Variants in FHOD3 observed in about 807,000 individuals in gnomAD.
The protein encoded by FHOD3 is formin homology 2 domain containing 3.
Under a neutral mutation model 173.0 loss-of-function variants are expected in FHOD3, and 90 were observed. The observed-to-expected ratio is 0.52, with a 90% confidence interval of 0.44 to 0.62. The LOEUF (loss-of-function observed/expected upper bound fraction) is 0.62. Ranked by LOEUF, FHOD3 falls within the 20% of genes least tolerant of loss-of-function variation. The probability of loss-of-function intolerance (pLI) is 0.00; values close to 1 mark genes in which losing one functional copy is unlikely to be tolerated. For missense variants in FHOD3, 1,945 were observed against 2,034.7 expected, an observed-to-expected ratio of 0.96 and a Z score of 0.85; for synonymous variants, 828 against 823.0, an observed-to-expected ratio of 1.01 and a Z score of -0.10.
At chr18:36,777,296 AG>A (rs1250184640) in intron 28 of FHOD3, among the ~76,000 whole-genome samples, 1 of 138,694 alleles carries the variant, frequency 7.2e-6, no homozygotes. Flanking sequence ...TCCGCCTCCC[AG>A]GTTCAAGCAA....
At chr18:36,610,698 G>A (rs1599864296) in intron 8 of FHOD3, among the ~76,000 whole-genome samples, 1 of 152,244 alleles carries the variant, frequency 6.6e-6, no homozygotes, top group East Asian at 1.9e-4. Context: ...ATAGCCCCAA[G>A]ATAGAAGTGT....
At chr18:36,409,440 G>T (rs2049238562) in intron 3 of FHOD3, among the ~76,000 whole-genome samples, 1 of 152,080 alleles carries the variant, frequency 6.6e-6, no homozygotes, top group African/African-American at 2.4e-5. Context: ...TCAACTCAGT[G>T]CTCCTTCCCC....
At chr18:36,615,841 C>T (rs1599883669) in intron 9 of FHOD3, among the ~76,000 whole-genome samples, 1 of 152,174 alleles carries the variant, frequency 6.6e-6, no homozygotes, top group Admixed American at 6.5e-5. Context: ...CTATAAGTTA[C>T]TGTCATAATA....
chr18:36,670,057 G>T (rs1013403719), intron 14 of FHOD3, among the ~76,000 whole-genome samples: 1 of 151,588 alleles, frequency 6.6e-6, no homozygotes, highest in Non-Finnish European at 1.5e-5. Flanking sequence ...TAAAGATGTT[G>T]CACCACTTTG....
chr18:36,304,477 G>A (rs2144499060), intron 1 of FHOD3, among the ~76,000 whole-genome samples: 1 of 152,260 alleles, frequency 6.6e-6, no homozygotes, highest in Non-Finnish European at 1.5e-5. Context: ...TAGTCCCCTT[G>A]GGATCAGAGC....
chr18:36,582,350 A>G (rs1343090961), intron 6 of FHOD3, among the ~76,000 whole-genome samples: 2 of 152,194 alleles, frequency 1.3e-5, no homozygotes, highest in Non-Finnish European at 2.9e-5. Context: ...ACGTAATGTA[A>G]ATAATAGAAT....
At chr18:36,535,766 TAATTC>T (rs1240405237) in intron 5 of FHOD3, among the ~76,000 whole-genome samples, 1 of 152,218 alleles carries the variant, frequency 6.6e-6, no homozygotes, top group Non-Finnish European at 1.5e-5. Flanking sequence ...TTGTATTTAA[TAATTC>T]AATAAATTTT....
intron 2 of FHOD3, among the ~76,000 whole-genome samples, chr18:36,372,346 C>T (rs552858638): frequency 6.6e-4 from 100 of 152,316 alleles, no homozygotes; most frequent in Admixed American, 2.4e-3. Flanking sequence ...TGTGTTGTTA[C>T]ATTCCAGGAA....
At chr18:36,605,684 C>G (rs1265452968) in intron 8 of FHOD3, among the ~76,000 whole-genome samples, 1 of 151,984 alleles carries the variant, frequency 6.6e-6, no homozygotes, top group Non-Finnish European at 1.5e-5. Context: ...ATGCGTTAAA[C>G]AAGTCATGCC....
rs538374965 is a variant in FHOD3 at position 36,566,867 on chromosome 18, G to GA, written c.512-9574dup. ...AAGTTTTCTGATTGGAGACCTACAG[G>GA]AAAAAAAAAATTATACTTATATAAA... On this transcript the variant is annotated intron_variant, in intron 5 of 28. Coordinates refer to ENST00000590592, the MANE Select transcript of FHOD3 (RefSeq NM_001281740.3). 3.6e-3 allele frequency among the ~76,000 whole-genome samples: 538 copies of GA among 149,250 alleles called. 5 individuals are homozygous for GA. Among genetic ancestry groups the GA allele is most frequent in the Admixed American group, 3.2e-3 (48 of 14,974 alleles).
intron 6 of FHOD3, among the ~76,000 whole-genome samples, chr18:36,592,858 C>A (rs956624537): frequency 6.6e-6 from 1 of 152,238 alleles, no homozygotes; most frequent in Admixed American, 6.5e-5. Flanking sequence ...CTGTTAGCAT[C>A]TGAGTGGAGA....
chr18:36,711,562 A>G (rs1411468531), intron 18 of FHOD3: 2 of 152,190 alleles, frequency 1.3e-5, no homozygotes, highest in Admixed American at 6.5e-5. Context: ...CTCACTTCCT[A>G]GCAGGGTCTC....
rs577830412 is a variant in FHOD3, at chr18:36,531,471, C to T, written c.511+18928C>T. Among the ~76,000 whole-genome samples, 50 of 152,308 alleles carry T rather than the reference C, an allele frequency of 3.3e-4. No homozygotes were observed. In the South Asian group the frequency reaches 5.4e-3, roughly 16 times the overall value. On this transcript the variant is annotated intron_variant, in intron 5 of 28. Transcript: ENST00000590592. ...CACTCTAGTGGTTGAGACCCTTCCC[C>T]GATCCTGAGCTGCCCCTCCATGTTC...
At chr18:36,389,536 C>T (rs9947589) in intron 3 of FHOD3, among the ~76,000 whole-genome samples, 7,791 of 152,206 alleles carry the variant, frequency 0.051, 680 homozygotes, top group African/African-American at 0.18. Flanking sequence ...GTGCCAGTCC[C>T]GCATACTCCT....
At chr18:36,679,203 A>C (rs2149383875) in intron 14 of FHOD3, among the ~76,000 whole-genome samples, 1 of 152,192 alleles carries the variant, frequency 6.6e-6, no homozygotes, top group East Asian at 1.9e-4. Flanking sequence ...GTGTATTATA[A>C]AAATTTCCCC....
intron 3 of FHOD3, among the ~76,000 whole-genome samples, chr18:36,475,624 T>G (rs2053522682): frequency 6.6e-6 from 1 of 152,152 alleles, no homozygotes; most frequent in African/African-American, 2.4e-5. Context: ...GTACAGAAAC[T>G]GTTACTCATG....
chr18:36,582,662 A>C (rs140698765), intron 6 of FHOD3, among the ~76,000 whole-genome samples: 6 of 152,216 alleles, frequency 3.9e-5, no homozygotes, highest in Non-Finnish European at 7.3e-5. Context: ...TGCTACAGAT[A>C]GTACTTGGGG....
intron 15 of FHOD3, among the ~76,000 whole-genome samples, chr18:36,682,540 A>C (rs1449152430): frequency 6.6e-6 from 1 of 152,166 alleles, no homozygotes; most frequent in African/African-American, 2.4e-5. Context: ...AATGTAAGGC[A>C]TTGTTAATGA....
intron 10 of FHOD3, among the ~76,000 whole-genome samples, chr18:36,647,157 G>A (rs994321915): frequency 3.3e-5 from 5 of 152,152 alleles, no homozygotes; most frequent in African/African-American, 4.8e-5. Flanking sequence ...CAGGAGAATC[G>A]CTTGACCCGG....
Sources: gnomAD v4.1 joint callset for allele counts (sites outside exome capture counted in the v4.1 genomes callset) on GRCh38, gnomAD v4.1.1 for gene constraint, MANE v1.5 for transcripts, NCBI Gene and HGNC (gene_info 2026-07-23, HGNC 2026-07-21) for gene names.